The following IMMP2L variants were observed in gnomAD, a reference collection of about 807,000 sequenced individuals.
IMMP2L encodes inner mitochondrial membrane peptidase subunit 2.
In IMMP2L, 18 loss-of-function variants were observed where a neutral mutation model predicts 19.3. That is an observed-to-expected ratio of 0.93 (90% confidence interval 0.64 to 1.38). The LOEUF (loss-of-function observed/expected upper bound fraction) is 1.38. IMMP2L is among the 40% of genes most tolerant of loss of function. The pLI is 0.00. For synonymous variants in IMMP2L, 76 were observed against 73.0 expected (o/e 1.04, Z -0.21); for missense variants, 233 against 218.2 (o/e 1.07, Z -0.43).
At chr7:111,513,680 C>T (rs1362513598) in intron 2 of IMMP2L, among the ~76,000 whole-genome samples, 2 of 152,018 alleles carry the variant, frequency 1.3e-5, no homozygotes, top group African/African-American at 4.8e-5. Context: ...TTATTCAAAA[C>T]AGCCAAGATA....
chr7:111,225,557 T>C (rs1586916645), intron 3 of IMMP2L, among the ~76,000 whole-genome samples: 1 of 151,952 alleles, frequency 6.6e-6, no homozygotes, highest in East Asian at 1.9e-4. Flanking sequence ...ACACTGTAAA[T>C]AGTCTATAGG....
At chr7:111,174,214 T>C (rs1806782270) in intron 3 of IMMP2L, among the ~76,000 whole-genome samples, 1 of 151,688 alleles carries the variant, frequency 6.6e-6, no homozygotes, top group South Asian at 2.1e-4. Flanking sequence ...ATTTCACAAC[T>C]GAACAACTCT....
chr7:110,733,198 A>G (rs1796389292), intron 5 of IMMP2L, among the ~76,000 whole-genome samples: 1 of 152,176 alleles, frequency 6.6e-6, no homozygotes, highest in African/African-American at 2.4e-5. Context: ...TGCTAGTACG[A>G]CAGCTCTACA....
intron 3 of IMMP2L, among the ~76,000 whole-genome samples, chr7:111,272,136 G>A (rs1230406977): frequency 6.6e-6 from 1 of 152,066 alleles, no homozygotes; most frequent in Non-Finnish European, 1.5e-5. Context: ...TTTAGACAAA[G>A]TCTAAAATCC....
intron 3 of IMMP2L, among the ~76,000 whole-genome samples, chr7:111,078,650 C>T (rs143724784): frequency 1.3e-5 from 2 of 151,994 alleles, no homozygotes; most frequent in Non-Finnish European, 2.9e-5. Context: ...TGTGCAAATG[C>T]TTTCTTCCCC....
At chr7:111,551,344 TAAGAA>T (rs1849433542) in intron 1 of IMMP2L, among the ~76,000 whole-genome samples, 1 of 152,160 alleles carries the variant, frequency 6.6e-6, no homozygotes. Context: ...ATTCTTAATC[TAAGAA>T]GTCAAGAACA....
In IMMP2L at chr7:111,062,108, A is replaced by G. The variant is rs146931013; in HGVS notation, c.240-98543T>C. Among the ~76,000 whole-genome samples, 38 of 152,240 alleles carry G rather than the reference A, an allele frequency of 2.5e-4. No homozygotes were observed. The East Asian group carries it at 7.3e-3, about 29-fold the overall frequency. The stretch of plus-strand genomic sequence containing the variant: ...GAGCTCTTCTATTTTGTACATGTGT[A>G]TTAGTCCATTTTCATGCTGCTGGTA... On this transcript the variant is annotated intron_variant, in intron 3 of 5. Coordinates refer to ENST00000405709, the MANE Select transcript of IMMP2L (RefSeq NM_032549.4).
intron 5 of IMMP2L, among the ~76,000 whole-genome samples, chr7:110,820,718 A>T (rs1480289977): frequency 6.6e-6 from 1 of 152,046 alleles, no homozygotes; most frequent in Non-Finnish European, 1.5e-5. Context: ...ATAATTTTTC[A>T]ACTCAAATTA....
intron 5 of IMMP2L, among the ~76,000 whole-genome samples, chr7:110,815,515 T>C (rs1802422588): frequency 6.6e-6 from 1 of 152,124 alleles, no homozygotes; most frequent in Admixed American, 6.6e-5. Flanking sequence ...CTTTTTCTAT[T>C]GATTGGAATA....
chr7:110,744,213 C>T (rs1262268528), intron 5 of IMMP2L, among the ~76,000 whole-genome samples: 1 of 152,196 alleles, frequency 6.6e-6, no homozygotes, highest in Non-Finnish European at 1.5e-5. Flanking sequence ...CCTCTCTGAG[C>T]AGGGAATCTC....
chr7:110,729,749 C>T (rs1796125392), intron 5 of IMMP2L, among the ~76,000 whole-genome samples: 1 of 152,222 alleles, frequency 6.6e-6, no homozygotes, highest in South Asian at 2.1e-4. Flanking sequence ...GAACAACCCA[C>T]ACTGGGGCCT....
intron 3 of IMMP2L, among the ~76,000 whole-genome samples, chr7:111,188,387 G>A (rs1488543803): frequency 6.6e-6 from 1 of 152,070 alleles, no homozygotes; most frequent in African/African-American, 2.4e-5. Flanking sequence ...CTTCCAGTTT[G>A]CAGACTGACC....
intron 1 of IMMP2L, among the ~76,000 whole-genome samples, chr7:111,539,202 GAAAGAAAGAAA>G (rs1780449249): frequency 1.6e-4 from 1 of 6,208 alleles, no homozygotes. Flanking sequence ...GAGGGAGAAA[GAAAGAAAGAAA>G]GAAAGAAAGA....
intron 3 of IMMP2L, among the ~76,000 whole-genome samples, chr7:111,477,686 G>C (rs1430649025): frequency 6.6e-6 from 1 of 152,082 alleles, no homozygotes; most frequent in East Asian, 1.9e-4. Flanking sequence ...ATCACCTGAG[G>C]TCAGGAGTTC....
rs943999510 is a variant in IMMP2L at position 111,151,057 on chromosome 7, C to T, written c.240-187492G>A. 9.9e-5 allele frequency among the ~76,000 whole-genome samples: 15 copies of T among 152,146 alleles called. 1 individual carries two copies. The highest frequency in any genetic ancestry group is 3.6e-4 in the African/African-American group (15 of 41,424). On this transcript the variant is annotated intron_variant, in intron 3 of 5. Transcript: ENST00000405709. ...GTCCTGGGATTCTTGAGCAAGCTGG[C>T]CAGTGTGACTCCTGTGTAACAGTGA...
chr7:110,829,456 T>G (rs1006631927), intron 5 of IMMP2L, among the ~76,000 whole-genome samples: 3 of 152,188 alleles, frequency 2.0e-5, no homozygotes, highest in African/African-American at 7.2e-5. Flanking sequence ...CATGTAAATG[T>G]GTTATGAATA....
At chr7:111,234,115 T>C (rs1814027027) in intron 3 of IMMP2L, among the ~76,000 whole-genome samples, 1 of 152,126 alleles carries the variant, frequency 6.6e-6, no homozygotes, top group Non-Finnish European at 1.5e-5. Flanking sequence ...CTTGATGTGT[T>C]TTCATTTTCA....
rs185297575 is a variant in IMMP2L, at chr7:111,002,266, T to G, written c.240-38701A>C. On this transcript the variant is annotated intron_variant, in intron 3 of 5. Coordinates refer to ENST00000405709, the MANE Select transcript of IMMP2L (RefSeq NM_032549.4). ...AGAAAGCCTCTCCAGCCCAGAGGGA[T>G]AAGTAAGCCTGCCTATTACCCAGTC... Among the ~76,000 whole-genome samples, 157 of 152,220 alleles carry G rather than the reference T, an allele frequency of 1.0e-3. 1 individual carries two copies. Among genetic ancestry groups the G allele is most frequent in the African/African-American group, 3.6e-3 (148 of 41,548 alleles).
chr7:110,747,075 C>T (rs1797398884), intron 5 of IMMP2L, among the ~76,000 whole-genome samples: 1 of 151,978 alleles, frequency 6.6e-6, no homozygotes, highest in Non-Finnish European at 1.5e-5. Context: ...GGGGATACCA[C>T]CAATTCCCAC....
Sources: gnomAD v4.1 joint callset for allele counts (sites outside exome capture counted in the v4.1 genomes callset) on GRCh38, gnomAD v4.1.1 for gene constraint, MANE v1.5 for transcripts, NCBI Gene and HGNC (gene_info 2026-07-23, HGNC 2026-07-21) for gene names.